The following RHBDL2 variants were observed in gnomAD, a reference collection of about 807,000 sequenced individuals.
The protein encoded by RHBDL2 is rhomboid-related protein 2.
A neutral mutation model predicts 31.7 loss-of-function variants in RHBDL2; 26 were observed. The observed-to-expected ratio is 0.82, with a 90% confidence interval of 0.60 to 1.14. The LOEUF is 1.14. Ranked by LOEUF, RHBDL2 falls within the 50% of genes most tolerant of loss-of-function variation. The pLI, the probability that RHBDL2 is intolerant of heterozygous loss-of-function variation, is 0.00. For missense variants in RHBDL2, 336 were observed against 364.4 expected, an observed-to-expected ratio of 0.92 and a Z score of 0.63; for synonymous variants, 123 against 127.2, an observed-to-expected ratio of 0.97 and a Z score of 0.22.
Position 38,896,056 on chromosome 1 carries a change from G to A in RHBDL2, c.522C>T (p.Ser174=), listed in dbSNP as rs199805133. The part of the protein sequence containing the change: ...LAGVIAGSLA[S]SIFDPLRYLV... ...GATATCTGAGTGGGTCAAAGATGGAGCTGGCAAGGGACCCTAAAGAAATAA... is the reference window on the plus strand; with the variant it reads ...GATATCTGAGTGGGTCAAAGATGGAACTGGCAAGGGACCCTAAAGAAATAA... The change falls in exon 5 of 8, where the codon AGC becomes AGT. Residue 174 remains serine, a synonymous_variant. Transcript: ENST00000372990. 2.4e-5 allele frequency: 38 copies of A among 1,613,000 alleles called. 1 individual carries two copies. In the Middle Eastern group the frequency reaches 2.3e-3, roughly 98 times the overall value.
intron 1 of RHBDL2, among the ~76,000 whole-genome samples, chr1:38,928,684 G>C (rs1262222543): frequency 2.6e-5 from 4 of 152,062 alleles, no homozygotes; most frequent in East Asian, 3.9e-4. Flanking sequence ...TACCTCAGGT[G>C]ATCCACCCGC....
At chr1:38,936,290 TA>T (rs774836744) in intron 1 of RHBDL2, among the ~76,000 whole-genome samples, 3 of 151,912 alleles carry the variant, frequency 2.0e-5, no homozygotes, top group Non-Finnish European at 4.4e-5. Flanking sequence ...AATAAACAAG[TA>T]TTCTTTTTTG....
In RHBDL2 at chr1:38,886,502, G is replaced by T; in HGVS notation, c.*2C>A. ...TATTAATTGACTTACAATAGGGGCA[G>T]GTCAGTTTGCTGGAGATAGGAAAAT... On this transcript the variant is annotated 3_prime_UTR_variant, in exon 8 of 8. Transcript: ENST00000372990. 2 of 1,565,726 alleles carry T rather than the reference G, an allele frequency of 1.3e-6. No individual in the cohort carries two copies. The highest frequency in any genetic ancestry group is 8.7e-7 in the Non-Finnish European group (1 of 1,148,858).
chr1:38,926,431 A>G (rs1643376170), intron 1 of RHBDL2: 1 of 153,960 alleles, frequency 6.5e-6, no homozygotes, highest in Admixed American at 6.5e-5. Context: ...TTTTTTCCCA[A>G]GCCTTGTTTC....
chr1:38,891,228 T>C (rs1570911485), intron 6 of RHBDL2, among the ~76,000 whole-genome samples: 1 of 114,640 alleles, frequency 8.7e-6, no homozygotes, highest in African/African-American at 3.4e-5. Flanking sequence ...ACCACTACAC[T>C]CCAGCCTGGG....
intron 1 of RHBDL2, among the ~76,000 whole-genome samples, chr1:38,938,039 A>G (rs887394202): frequency 6.6e-6 from 1 of 150,706 alleles, no homozygotes; most frequent in Non-Finnish European, 1.5e-5. Context: ...TTTTTTTGAG[A>G]CAGTGTCTCA....
At chr1:38,890,266 C>T (rs902434781) in intron 6 of RHBDL2, among the ~76,000 whole-genome samples, 8 of 152,004 alleles carry the variant, frequency 5.3e-5, no homozygotes, top group Admixed American at 1.3e-4. Context: ...GTGATCCACC[C>T]GCCTCGGCTT....
At chr1:38,927,042 G>C (rs1643385592) in intron 1 of RHBDL2, 1 of 152,194 alleles carries the variant, frequency 6.6e-6, no homozygotes, top group Non-Finnish European at 1.5e-5. Context: ...GGGAGGGAAA[G>C]AGACAGGGAG....
At chr1:38,908,537 A>C (rs946707123) in intron 4 of RHBDL2, among the ~76,000 whole-genome samples, 7 of 142,640 alleles carry the variant, frequency 4.9e-5, no homozygotes, top group Non-Finnish European at 9.1e-5. Flanking sequence ...AAAAAAAAAA[A>C]CCATGATCAT....
rs143457848 is a variant in RHBDL2 at position 38,921,805 on chromosome 1, G to A, written c.-125-2468C>T. On this transcript the variant is annotated intron_variant, in intron 1 of 7. Transcript: ENST00000372990. ...ATGATTTTTTTCTACTTTTTGCCACGTCTCATAATTGACAAAACTACAATG... is the reference window on the plus strand; with the variant it reads ...ATGATTTTTTTCTACTTTTTGCCACATCTCATAATTGACAAAACTACAATG... 7.5e-3 allele frequency among the ~76,000 whole-genome samples: 1,137 copies of A among 151,850 alleles called. 9 individuals are homozygous for A. Among genetic ancestry groups the A allele is most frequent in the African/African-American group, 0.026 (1,065 of 41,384 alleles).
intron 4 of RHBDL2, among the ~76,000 whole-genome samples, chr1:38,910,753 C>CTTTTTTTT (rs765064879): frequency 9.9e-4 from 110 of 110,968 alleles, no homozygotes; most frequent in East Asian, 2.8e-3. Flanking sequence ...TATTCCTTTT[C>CTTTTTTTT]TTTTTTTTTT....
intron 4 of RHBDL2, among the ~76,000 whole-genome samples, chr1:38,907,003 C>T (rs1643074914): frequency 6.6e-6 from 1 of 152,142 alleles, no homozygotes; most frequent in Non-Finnish European, 1.5e-5. Context: ...GATTTCAAAA[C>T]TTATTATATA....
chr1:38,912,699 G>C (rs1304522733), intron 3 of RHBDL2, among the ~76,000 whole-genome samples: 1 of 151,662 alleles, frequency 6.6e-6, no homozygotes, highest in Non-Finnish European at 1.5e-5. Flanking sequence ...GGGATTACAG[G>C]TGTGAGCCAC....
chr1:38,911,625 TGTGTGTGTGTGTGTGTGTGTGCGC>T (rs946155310), intron 3 of RHBDL2, among the ~76,000 whole-genome samples, 191 bp from the exon 4 acceptor site: 4 of 128,940 alleles, frequency 3.1e-5, no homozygotes, highest in Admixed American at 8.3e-5. Flanking sequence ...TGTGTGTGTG[TGTGTGTGTGTGTGTGTGTGTGCGC>T]GCGCGCGCGC....
intron 5 of RHBDL2, among the ~76,000 whole-genome samples, chr1:38,893,433 A>G (rs1364246904): frequency 6.6e-6 from 1 of 152,220 alleles, no homozygotes; most frequent in African/African-American, 2.4e-5. Flanking sequence ...ATTTAATTTA[A>G]TAATATAAAT....
At chr1:38,911,622 G>A (rs889167622) in intron 3 of RHBDL2, among the ~76,000 whole-genome samples, 188 bp from the exon 4 acceptor site, 3 of 125,754 alleles carry the variant, frequency 2.4e-5, no homozygotes, top group Non-Finnish European at 3.6e-5. Flanking sequence ...GTGTGTGTGT[G>A]TGTGTGTGTG....
chr1:38,888,093 C>T (rs1642809489), intron 6 of RHBDL2, 69 bp from the exon 7 acceptor site: 2 of 972,036 alleles, frequency 2.1e-6, no homozygotes, highest in African/African-American at 3.3e-5. Flanking sequence ...TTTTGGTTCC[C>T]CTCTAATAAT....
intron 4 of RHBDL2, among the ~76,000 whole-genome samples, chr1:38,897,871 C>T (rs111713609): frequency 3.2e-4 from 49 of 152,350 alleles, no homozygotes; most frequent in African/African-American, 1.2e-3. Context: ...TGGCTCACGC[C>T]TGTAATCCCA....
At chr1:38,914,169 C>A (rs982930810) in intron 3 of RHBDL2, among the ~76,000 whole-genome samples, 2 of 151,828 alleles carry the variant, frequency 1.3e-5, no homozygotes, top group Non-Finnish European at 2.9e-5. Flanking sequence ...GCGGGCACTG[C>A]ATCTCCTATT....
Sources: allele counts gnomAD v4.1 joint callset (sites outside exome capture counted in the v4.1 genomes callset), GRCh38; gene constraint gnomAD v4.1.1; transcripts MANE v1.5; gene names NCBI Gene and HGNC (gene_info 2026-07-23, HGNC 2026-07-21).